GPHN: variants seen among roughly 807,000 people sequenced by gnomAD.
GPHN encodes gephyrin.
In GPHN, 17 loss-of-function variants were observed where a neutral mutation model predicts 95.5. The observed-to-expected ratio is 0.18, with a 90% CI of 0.12 to 0.27. The LOEUF (loss-of-function observed/expected upper bound fraction) is 0.27. Among genes scored for constraint, GPHN ranks in the 10% least tolerant of loss-of-function variants. The pLI, the probability that GPHN is intolerant of heterozygous loss-of-function variation, is 1.00. For synonymous variants in GPHN, 320 were observed against 322.5 expected (o/e 0.99, Z 0.08); for missense variants, 660 against 978.1 (o/e 0.67, Z 4.34).
At chr14:66,759,507 C>T (rs1227300176) in intron 2 of GPHN, among the ~76,000 whole-genome samples, 1 of 152,166 alleles carries the variant, frequency 6.6e-6, no homozygotes, top group Non-Finnish European at 1.5e-5. Context: ...AACATACTTA[C>T]TGTTGTTGGT....
intron 11 of GPHN, among the ~76,000 whole-genome samples, chr14:67,065,899 GT>G (rs1198673366): frequency 1.3e-5 from 2 of 152,022 alleles, no homozygotes; most frequent in Non-Finnish European, 2.9e-5. Flanking sequence ...CAATTTGCCA[GT>G]CTGTGTCTTT....
At chr14:67,501,500 G>A in the GPHN span, among the ~76,000 whole-genome samples, 1 of 152,130 alleles carries the variant, frequency 6.6e-6, no homozygotes, top group African/African-American at 2.4e-5. Flanking sequence ...AAAGTGCTGG[G>A]ATTACAGGCA....
chr14:67,072,282 A>G (rs1332965884), intron 11 of GPHN, among the ~76,000 whole-genome samples: 2 of 152,150 alleles, frequency 1.3e-5, no homozygotes, highest in African/African-American at 2.4e-5. Context: ...AGAAATTACA[A>G]CTCATCCCTG....
chr14:67,306,981 T>C, the GPHN span, among the ~76,000 whole-genome samples: 2 of 152,222 alleles, frequency 1.3e-5, no homozygotes, highest in Non-Finnish European at 2.9e-5. Flanking sequence ...TTAAGACAGA[T>C]ATACAAAATA....
the GPHN span, chr14:67,473,438 G>A: frequency 1.2e-6 from 2 of 1,614,062 alleles, no homozygotes; most frequent in Non-Finnish European, 8.5e-7. This position sits in a 1 kb window ranked among gnomAD's most constrained non-coding sequence, Gnocchi z 6.5. Flanking sequence ...TCTTGACATG[G>A]CCGTTGGCCA....
intron 4 of GPHN, among the ~76,000 whole-genome samples, chr14:66,849,467 A>G (rs2062486412): frequency 6.6e-6 from 1 of 152,062 alleles, no homozygotes; most frequent in African/African-American, 2.4e-5. Flanking sequence ...TTACCCTCTT[A>G]GAATATGTAC....
chr14:67,734,767 C>T, the GPHN span, among the ~76,000 whole-genome samples: 1 of 152,306 alleles, frequency 6.6e-6, no homozygotes, highest in African/African-American at 2.4e-5. Flanking sequence ...TGAGTGCTGA[C>T]GGAGACACTC....
chr14:67,265,415 G>C, the GPHN span, among the ~76,000 whole-genome samples: 1 of 152,088 alleles, frequency 6.6e-6, no homozygotes, highest in Non-Finnish European at 1.5e-5. Context: ...AAAAGTAGCT[G>C]GATGGTGGCG....
chr14:67,274,066 G>T, the GPHN span, among the ~76,000 whole-genome samples: 1 of 152,286 alleles, frequency 6.6e-6, no homozygotes, highest in Non-Finnish European at 1.5e-5. Flanking sequence ...CTCCCATTCT[G>T]TAGGTTGCCT....
chr14:66,960,950 G>A (rs549435660), intron 8 of GPHN, among the ~76,000 whole-genome samples: 95 of 152,116 alleles, frequency 6.2e-4, no homozygotes, highest in Non-Finnish European at 1.2e-3. Flanking sequence ...AGATGACAGT[G>A]GCTAATACAT....
chr14:66,947,728 T>A (rs1312449810), intron 8 of GPHN, among the ~76,000 whole-genome samples: 1 of 151,862 alleles, frequency 6.6e-6, no homozygotes, highest in Non-Finnish European at 1.5e-5. Flanking sequence ...GAGGCTGAGG[T>A]GGAGGGATTG....
intron 4 of GPHN, among the ~76,000 whole-genome samples, chr14:66,839,317 A>G (rs554970988): frequency 6.6e-6 from 1 of 152,218 alleles, no homozygotes; most frequent in Non-Finnish European, 1.5e-5. Flanking sequence ...ATACTTCTCT[A>G]TGAAGAATGA....
At chr14:67,577,252 C>T in the GPHN span, 3 of 1,146,322 alleles carry the variant, frequency 2.6e-6, no homozygotes, top group East Asian at 5.1e-5. Context: ...GGAGATGAGT[C>T]CCCTCTCAGT....
intron 16 of GPHN, among the ~76,000 whole-genome samples, chr14:67,114,717 ACT>A (rs2078575069): frequency 6.6e-6 from 1 of 151,986 alleles, no homozygotes; most frequent in Admixed American, 6.5e-5. Flanking sequence ...GAATTAACAC[ACT>A]CATAATAACT....
chr14:66,879,560 T>C (rs1474412413), intron 4 of GPHN, among the ~76,000 whole-genome samples: 1 of 152,022 alleles, frequency 6.6e-6, no homozygotes, highest in African/African-American at 2.4e-5. Flanking sequence ...GACTAATTAT[T>C]TCAAGAGTAA....
chr14:67,325,590 A>C, the GPHN span, among the ~76,000 whole-genome samples: 4 of 152,204 alleles, frequency 2.6e-5, no homozygotes, highest in African/African-American at 9.7e-5. Flanking sequence ...TGTAAAATTT[A>C]GTGTCCAATA....
chr14:67,150,042 C>T (rs528173410), intron 18 of GPHN, among the ~76,000 whole-genome samples: 5 of 152,150 alleles, frequency 3.3e-5, no homozygotes, highest in East Asian at 1.9e-4. Flanking sequence ...AGGTATCTTA[C>T]GATGATTTAT....
chr14:67,006,189 A>G (rs757234386), intron 9 of GPHN, among the ~76,000 whole-genome samples: 5 of 152,094 alleles, frequency 3.3e-5, no homozygotes, highest in African/African-American at 7.2e-5. Flanking sequence ...GACCTTAAAC[A>G]TATTTTTGGA....
intron 1 of GPHN, among the ~76,000 whole-genome samples, chr14:66,657,195 A>T (rs2065355743): frequency 6.6e-6 from 1 of 152,224 alleles, no homozygotes; most frequent in Admixed American, 6.5e-5. Context: ...TTCAGCCAAA[A>T]CCTAATCCAG....
Sources: allele counts gnomAD v4.1 joint callset (sites outside exome capture counted in the v4.1 genomes callset), GRCh38; gene constraint gnomAD v4.1.1; non-coding constraint Gnocchi (gnomAD v3.1); transcripts MANE v1.5; gene names NCBI Gene and HGNC (gene_info 2026-07-23, HGNC 2026-07-21).